The following AGBL1 variants were observed in gnomAD, a reference collection of about 807,000 sequenced individuals.
AGBL1 encodes the protein AGBL carboxypeptidase 1.
A neutral mutation model predicts 118.9 loss-of-function variants in AGBL1; 130 were observed. The ratio of observed to expected loss-of-function variants is 1.09; its 90% CI spans 0.95 to 1.26. The LOEUF is 1.26. Ranked by LOEUF, AGBL1 falls within the 50% of genes most tolerant of loss-of-function variation. The probability of loss-of-function intolerance (pLI) is 0.00; values close to 1 mark genes in which losing one functional copy is unlikely to be tolerated. For synonymous variants in AGBL1, 555 were observed against 478.9 expected, an observed-to-expected ratio of 1.16 and a Z score of -2.08; for missense variants, 1,584 against 1,298.1, an observed-to-expected ratio of 1.22 and a Z score of -3.38.
At chr15:86,760,359 G>T (rs1002166589) in intron 22 of AGBL1, among the ~76,000 whole-genome samples, 5 of 152,002 alleles carry the variant, frequency 3.3e-5, no homozygotes, top group Non-Finnish European at 4.4e-5. Flanking sequence ...ATCACTTGTA[G>T]GAAATCATTA....
intron 1 of AGBL1, among the ~76,000 whole-genome samples, chr15:86,109,563 TG>T (rs1335147709): frequency 4.6e-5 from 7 of 152,238 alleles, no homozygotes; most frequent in Non-Finnish European, 1.0e-4. Context: ...GATCAAAATT[TG>T]TTTTTTACTA....
chr15:86,495,369 AT>A (rs200309461), intron 18 of AGBL1, among the ~76,000 whole-genome samples: 16,137 of 147,844 alleles, frequency 0.11, 978 homozygotes, highest in South Asian at 0.17. Flanking sequence ...TGTGAAAGGT[AT>A]TTTTTTTTAA....
In AGBL1 at chr15:86,632,630, G is replaced by GTT. The variant is rs61180689; in HGVS notation, c.2995-41629_2995-41628dup. Among the ~76,000 whole-genome samples, 493 of 143,576 alleles carry GTT rather than the reference G, an allele frequency of 3.4e-3. 2 individuals carry two copies. Among genetic ancestry groups the GTT allele is most frequent in the African/African-American group, 0.011 (419 of 39,240 alleles). The allele number at this position is 143,576 out of a possible 152,430, so 94.2% of individuals were successfully genotyped here. ...CATGACAATAACTAAATCTCATCATGTTTTTTTTTTTTTTTCTTTTTCACA... is the reference window on the plus strand; with the variant it reads ...CATGACAATAACTAAATCTCATCATGTTTTTTTTTTTTTTTTTCTTTTTCACA... On this transcript the variant is annotated intron_variant, in intron 21 of 22. Coordinates refer to ENST00000614907, the MANE Select transcript of AGBL1 (RefSeq NM_001386094.1).
At chr15:86,418,061 C>G (rs1022336408) in intron 18 of AGBL1, among the ~76,000 whole-genome samples, 2 of 152,164 alleles carry the variant, frequency 1.3e-5, no homozygotes, top group African/African-American at 2.4e-5. Flanking sequence ...CAATTAGATT[C>G]CATTCTTTGG....
At chr15:86,141,541 C>G (rs533470027) in intron 1 of AGBL1, among the ~76,000 whole-genome samples, 2 of 152,206 alleles carry the variant, frequency 1.3e-5, no homozygotes, top group African/African-American at 4.8e-5. Context: ...GCCCCAGTTA[C>G]TTGGCAGGCT....
At chr15:86,373,429 A>G (rs1273435919) in intron 17 of AGBL1, among the ~76,000 whole-genome samples, 5 of 152,184 alleles carry the variant, frequency 3.3e-5, no homozygotes, top group Admixed American at 1.3e-4. Context: ...GGAATCATAG[A>G]AGGCTTGCTC....
At chr15:86,647,201 C>T (rs2142484643) in intron 21 of AGBL1, among the ~76,000 whole-genome samples, 1 of 151,828 alleles carries the variant, frequency 6.6e-6, no homozygotes, top group Non-Finnish European at 1.5e-5. Flanking sequence ...TTTTTTACTG[C>T]ATAGGTAGTA....
chr15:86,299,988 T>C (rs976799902), intron 17 of AGBL1: 1 of 152,174 alleles, frequency 6.6e-6, no homozygotes, highest in Non-Finnish European at 1.5e-5. Flanking sequence ...CGAAAAACCA[T>C]GCCTGTTTTC....
intron 16 of AGBL1, among the ~76,000 whole-genome samples, chr15:86,288,192 C>T (rs2079484867): frequency 6.6e-6 from 1 of 152,152 alleles, no homozygotes; most frequent in Admixed American, 6.6e-5. Flanking sequence ...CTGAGAGCAG[C>T]TGTCACTCAA....
intron 19 of AGBL1, among the ~76,000 whole-genome samples, chr15:86,532,548 C>T: frequency 2.2e-5 from 3 of 133,878 alleles, no homozygotes; most frequent in Non-Finnish European, 3.2e-5. Context: ...AGGTAATTTA[C>T]AGATTCAACG....
At chr15:86,352,844 T>A (rs2080650694) in intron 17 of AGBL1, among the ~76,000 whole-genome samples, 1 of 152,190 alleles carries the variant, frequency 6.6e-6, no homozygotes, top group Non-Finnish European at 1.5e-5. Context: ...GATTAGCACT[T>A]TATTTCTTTT....
chr15:86,743,169 A>G (rs145928654), intron 22 of AGBL1, among the ~76,000 whole-genome samples: 1 of 152,090 alleles, frequency 6.6e-6, no homozygotes, highest in Non-Finnish European at 1.5e-5. Context: ...GTATTTTTTT[A>G]AATTATTTAT....
In AGBL1 at chr15:86,765,192, A is replaced by AT. The variant is rs202072646; in HGVS notation, c.3158+90761dup. Among the ~76,000 whole-genome samples, 383 of 152,090 alleles carry AT rather than the reference A, an allele frequency of 2.5e-3. 1 individual carries two copies. The highest frequency in any genetic ancestry group is 4.7e-3 in the Non-Finnish European group (322 of 67,922). On this transcript the variant is annotated intron_variant, in intron 22 of 22. Coordinates refer to ENST00000614907, the MANE Select transcript of AGBL1 (RefSeq NM_001386094.1). ...GGAAGCAGAGAAGCCCCTGACTTGT[A>AT]TTTTTATGACAGTGGAAATTCCCTA...
At chr15:86,950,073 GA>G (rs1412563383) in intron 23 of AGBL1, among the ~76,000 whole-genome samples, 2 of 151,846 alleles carry the variant, frequency 1.3e-5, no homozygotes, top group African/African-American at 2.4e-5. Context: ...CTGGAAATTA[GA>G]AAATATTTTG....
chr15:86,279,298 C>G (rs1357776843), intron 15 of AGBL1, among the ~76,000 whole-genome samples: 1 of 152,114 alleles, frequency 6.6e-6, no homozygotes, highest in African/African-American at 2.4e-5. Context: ...CCAATTGAAA[C>G]CCAAGAAAAA....
intron 5 of AGBL1, among the ~76,000 whole-genome samples, chr15:86,193,433 T>C (rs752301931): frequency 3.9e-5 from 6 of 152,190 alleles, no homozygotes; most frequent in Non-Finnish European, 5.9e-5. Context: ...TTTTCTAAAT[T>C]AGAAGGTGGC....
At chr15:87,014,864 T>C (rs930564104) in intron 24 of AGBL1, among the ~76,000 whole-genome samples, 1 of 152,124 alleles carries the variant, frequency 6.6e-6, no homozygotes, top group Non-Finnish European at 1.5e-5. Context: ...TGATGATTAA[T>C]GTTAGGTGTC....
intron 1 of AGBL1, chr15:86,109,804 C>G (rs558094673): frequency 6.6e-6 from 1 of 152,240 alleles, no homozygotes; most frequent in Non-Finnish European, 1.5e-5. Flanking sequence ...GCAATGTGCT[C>G]GTGATCGTGG....
At chr15:86,347,639 A>G (rs1287194488) in intron 17 of AGBL1, among the ~76,000 whole-genome samples, 1 of 152,162 alleles carries the variant, frequency 6.6e-6, no homozygotes, top group Non-Finnish European at 1.5e-5. Context: ...TTGCATGTAT[A>G]TTTTCTATAA....
Sources: gnomAD v4.1 joint callset for allele counts (sites outside exome capture counted in the v4.1 genomes callset) on GRCh38, gnomAD v4.1.1 for gene constraint, MANE v1.5 for transcripts, NCBI Gene and HGNC (gene_info 2026-07-23, HGNC 2026-07-21) for gene names.